The following FAR2 variants were observed in gnomAD, a reference collection of about 807,000 sequenced individuals.
FAR2 encodes epididymis secretory protein Li 81.
A neutral mutation model predicts 56.0 loss-of-function variants in FAR2; 19 were observed. The ratio of observed to expected loss-of-function variants is 0.34; its 90% CI spans 0.24 to 0.50. The LOEUF (loss-of-function observed/expected upper bound fraction) is 0.50, where lower values mean the gene tolerates loss of function less well. Among genes scored for constraint, FAR2 ranks in the 20% least tolerant of loss-of-function variants. The pLI is 0.98. For missense variants in FAR2, 508 were observed against 642.2 expected, an observed-to-expected ratio of 0.79 and a Z score of 2.26; for synonymous variants, 219 against 218.8, an observed-to-expected ratio of 1.00 and a Z score of -0.01.
At chr12:29,163,787 C>T (rs970237224) in intron 1 of FAR2, among the ~76,000 whole-genome samples, 1 of 152,144 alleles carries the variant, frequency 6.6e-6, no homozygotes, top group Non-Finnish European at 1.5e-5. Context: ...TGGAAGAAAC[C>T]ATTTCCATCA....
At chr12:29,311,414 T>C (rs1399340242) in intron 7 of FAR2, among the ~76,000 whole-genome samples, 1 of 152,144 alleles carries the variant, frequency 6.6e-6, no homozygotes, top group Non-Finnish European at 1.5e-5. Context: ...CTTTTCTTTC[T>C]ATTCAGTAGT....
chr12:29,250,210 CTATG>C (rs1356280863), intron 1 of FAR2, among the ~76,000 whole-genome samples: 2 of 152,216 alleles, frequency 1.3e-5, no homozygotes, highest in African/African-American at 4.8e-5. Context: ...TGTGTCTTCA[CTATG>C]TATGTATTAA....
chr12:29,328,729 C>T (rs1276309922), intron 10 of FAR2, among the ~76,000 whole-genome samples: 42 of 119,864 alleles, frequency 3.5e-4, no homozygotes, highest in Non-Finnish European at 1.5e-4. Flanking sequence ...ACATCACACA[C>T]CGGGGCCTGT....
intron 2 of FAR2, among the ~76,000 whole-genome samples, chr12:29,288,344 A>G (rs1433907836): frequency 6.6e-6 from 1 of 152,186 alleles, no homozygotes; most frequent in Non-Finnish European, 1.5e-5. Context: ...GTCTTGTGCC[A>G]TCAAGTAGAG....
At chr12:29,165,133 G>A (rs1450458727) in intron 1 of FAR2, among the ~76,000 whole-genome samples, 4 of 152,172 alleles carry the variant, frequency 2.6e-5, no homozygotes, top group Non-Finnish European at 5.9e-5. Context: ...TGCTTAAGGA[G>A]ATGATTCCCT....
rs76472436 is a variant in FAR2, at chr12:29,152,438, C to G, written c.-39+3031C>G. 5.1e-3 allele frequency among the ~76,000 whole-genome samples: 776 copies of G among 152,310 alleles called. 13 individuals carry two copies. The highest frequency in any genetic ancestry group is 0.018 in the African/African-American group (728 of 41,562). On this transcript the variant is annotated intron_variant, in intron 1 of 11. Coordinates refer to ENST00000536681, the MANE Select transcript of FAR2 (RefSeq NM_001271783.2). ...GCAAGTCCTCTGTCCCCAGACTCCT[C>G]CCTTAACTACTCTCTGACCTCAAAA...
chr12:29,333,178 T>C, intron 11 of FAR2: 1 of 320,154 alleles, frequency 3.1e-6, no homozygotes, highest in Non-Finnish European at 6.0e-6. Flanking sequence ...GACAAGGAAT[T>C]CTAGCACTCT....
Position 29,309,118 on chromosome 12 carries a change from C to T in FAR2, c.724-68C>T, listed in dbSNP as rs1239058614. On this transcript the variant is annotated intron_variant, in intron 5 of 11. Transcript: ENST00000536681. ...TTGTTTGAAATTTATTAAGATTAGA[C>T]TGCAGATGTTCCAAAGATAAAACAA... The T allele has an allele frequency of 5.7e-6, 6 of 1,053,838 alleles. No individual in the cohort carries two copies. The African/African-American group carries it at 9.4e-5, about 17-fold the overall frequency. 65.3% of individuals were successfully genotyped at this position (1,053,838 alleles called of 1,614,324 possible). A position where few individuals can be genotyped will look rare whatever the true frequency, so the allele number is the denominator to read the frequency against.
chr12:29,164,265 G>A (rs974446190), intron 1 of FAR2, among the ~76,000 whole-genome samples: 1 of 152,156 alleles, frequency 6.6e-6, no homozygotes, highest in Non-Finnish European at 1.5e-5. Context: ...CAGGCACGAG[G>A]CCTTGATGAG....
At chr12:29,333,380 G>C (rs1342934452) in intron 11 of FAR2, 1 of 421,020 alleles carries the variant, frequency 2.4e-6, no homozygotes, top group African/African-American at 2.0e-5. Flanking sequence ...GATTATGCTA[G>C]TCATGCTTGT....
chr12:29,191,614 T>G (rs1950103573), intron 1 of FAR2, among the ~76,000 whole-genome samples: 1 of 152,230 alleles, frequency 6.6e-6, no homozygotes, highest in Non-Finnish European at 1.5e-5. Context: ...GCAGGAATGC[T>G]TTCTCTGTTT....
chr12:29,168,345 G>T (rs942984763), intron 1 of FAR2, among the ~76,000 whole-genome samples: 9 of 152,180 alleles, frequency 5.9e-5, no homozygotes, highest in African/African-American at 2.2e-4. Context: ...GATATTTCTG[G>T]TCAGCTCATT....
intron 1 of FAR2, among the ~76,000 whole-genome samples, chr12:29,219,046 G>T (rs1947655742): frequency 6.6e-6 from 1 of 152,044 alleles, no homozygotes; most frequent in East Asian, 1.9e-4. Context: ...ATGAGACCAT[G>T]CCTGGTTAAT....
At chr12:29,244,041 TATATC>T (rs1948085415) in intron 1 of FAR2, among the ~76,000 whole-genome samples, 1 of 152,198 alleles carries the variant, frequency 6.6e-6, no homozygotes, top group African/African-American at 2.4e-5. Context: ...TTTCCCAACT[TATATC>T]AAATAGCTAT....
intron 1 of FAR2, among the ~76,000 whole-genome samples, chr12:29,267,972 G>A (rs368020244): frequency 3.3e-5 from 5 of 152,180 alleles, no homozygotes; most frequent in East Asian, 3.9e-4. Flanking sequence ...GTTCATCTGC[G>A]TGTCTTCAGA....
intron 1 of FAR2, among the ~76,000 whole-genome samples, chr12:29,259,402 T>C (rs1948379413): frequency 6.6e-6 from 1 of 152,176 alleles, no homozygotes; most frequent in African/African-American, 2.4e-5. Flanking sequence ...AGGAAAATCA[T>C]CTTGTTTCTT....
At chr12:29,185,106 C>T (rs1950028793) in intron 1 of FAR2, among the ~76,000 whole-genome samples, 1 of 151,892 alleles carries the variant, frequency 6.6e-6, no homozygotes, top group Non-Finnish European at 1.5e-5. Flanking sequence ...AATTTATTAC[C>T]TCAGTAAGAC....
chr12:29,177,796 A>T (rs967560470), intron 1 of FAR2, among the ~76,000 whole-genome samples: 2 of 151,564 alleles, frequency 1.3e-5, no homozygotes, highest in African/African-American at 4.8e-5. Flanking sequence ...ACATGTAATT[A>T]TTAACTTTAT....
intron 1 of FAR2, among the ~76,000 whole-genome samples, chr12:29,208,508 A>G (rs1035385960): frequency 1.3e-5 from 2 of 152,214 alleles, no homozygotes; most frequent in Non-Finnish European, 2.9e-5. Flanking sequence ...CAATTGTTAT[A>G]TTGTTTATAC....
Sources: allele counts gnomAD v4.1 joint callset (sites outside exome capture counted in the v4.1 genomes callset), GRCh38; gene constraint gnomAD v4.1.1; transcripts MANE v1.5; gene names NCBI Gene and HGNC (gene_info 2026-07-23, HGNC 2026-07-21).